Variants in PPM1E observed in about 807,000 individuals in gnomAD.
PPM1E encodes protein phosphatase 1E.
A neutral mutation model predicts 65.9 loss-of-function variants in PPM1E; 20 were observed. The ratio of observed to expected loss-of-function variants is 0.30; its 90% confidence interval spans 0.21 to 0.44. PPM1E has a LOEUF of 0.44. Among genes scored for constraint, PPM1E ranks in the 20% least tolerant of loss-of-function variants. The pLI, the probability that PPM1E is intolerant of heterozygous loss-of-function variation, is 1.00. For missense variants in PPM1E, 713 were observed against 953.1 expected, an observed-to-expected ratio of 0.75 and a Z score of 3.32; for synonymous variants, 352 against 374.9, an observed-to-expected ratio of 0.94 and a Z score of 0.70.
chr17:58,880,487 TTC>T (rs2051182518), intron 1 of PPM1E, among the ~76,000 whole-genome samples: 2 of 152,310 alleles, frequency 1.3e-5, no homozygotes, highest in African/African-American at 4.8e-5. Flanking sequence ...GAAACAATCT[TTC>T]AGGGAAAATC....
At chr17:58,798,000 C>G (rs939045845) in intron 1 of PPM1E, among the ~76,000 whole-genome samples, 4 of 152,080 alleles carry the variant, frequency 2.6e-5, no homozygotes, top group Non-Finnish European at 5.9e-5. Flanking sequence ...GTATCTTGTA[C>G]TTTTAATCTG....
At chr17:58,866,573 C>G (rs1280622914) in intron 1 of PPM1E, among the ~76,000 whole-genome samples, 2 of 152,166 alleles carry the variant, frequency 1.3e-5, no homozygotes, top group Non-Finnish European at 2.9e-5. Context: ...TGAGTAGTCT[C>G]CTACAGTAAT....
intron 1 of PPM1E, among the ~76,000 whole-genome samples, chr17:58,906,236 T>G (rs749183254): frequency 6.6e-5 from 10 of 152,230 alleles, no homozygotes; most frequent in Non-Finnish European, 1.0e-4. Context: ...CATCCTCTCC[T>G]TTTTTCTTAG....
At chr17:58,853,398 G>A (rs1567854003) in intron 1 of PPM1E, among the ~76,000 whole-genome samples, 1 of 152,080 alleles carries the variant, frequency 6.6e-6, no homozygotes, top group Non-Finnish European at 1.5e-5. Context: ...TGACACCCTT[G>A]TCAAAAATCA....
At chr17:58,802,557 T>C (rs1179374939) in intron 1 of PPM1E, among the ~76,000 whole-genome samples, 1 of 152,186 alleles carries the variant, frequency 6.6e-6, no homozygotes, top group African/African-American at 2.4e-5. Context: ...TAGGGGTTTT[T>C]TTTCTATTTT....
intron 1 of PPM1E, among the ~76,000 whole-genome samples, chr17:58,817,562 C>G (rs777319937): frequency 5.9e-5 from 9 of 152,032 alleles, no homozygotes; most frequent in Non-Finnish European, 1.3e-4. Flanking sequence ...ATTTCTTTGA[C>G]ATACATTCAC....
At chr17:58,812,153 A>G (rs1308843917) in intron 1 of PPM1E, among the ~76,000 whole-genome samples, 1 of 151,764 alleles carries the variant, frequency 6.6e-6, no homozygotes, top group African/African-American at 2.4e-5. Context: ...AGGGATTTCT[A>G]ATTAGCCAGG....
chr17:58,756,124 C>A lies in PPM1E; in HGVS notation c.127C>A (p.Pro43Thr). Residue 43 changes from proline (P) to threonine (T), a missense_variant, in exon 1 of 7, where the codon CCC (proline) becomes ACC (threonine). This residue lies in a region of PPM1E where 212 missense variants were observed against 204.0 expected (regional missense o/e 1.04). Transcript: ENST00000308249. ...ACCCGAACCCGAACCCGAACCCGAA[C>A]CCGAGTCCGAGCCCGAGCCCGAACC... ...PEPEPEPEPE[P>T]ESEPEPEPEL... The A allele has an allele frequency of 1.2e-6, 2 of 1,608,388 alleles. No homozygotes were observed. Among genetic ancestry groups the A allele is most frequent in the Non-Finnish European group, 1.7e-6 (2 of 1,177,480 alleles).
At chr17:58,925,843 A>C (rs1396205605) in intron 1 of PPM1E, among the ~76,000 whole-genome samples, 2 of 152,072 alleles carry the variant, frequency 1.3e-5, no homozygotes, top group African/African-American at 2.4e-5. Flanking sequence ...TGGGTTTCAG[A>C]GTTTTGAGGG....
intron 1 of PPM1E, among the ~76,000 whole-genome samples, chr17:58,862,173 C>G (rs2050949631): frequency 6.6e-6 from 1 of 152,182 alleles, no homozygotes; most frequent in African/African-American, 2.4e-5. Flanking sequence ...CAAACAGAGA[C>G]AGCCAGTATT....
intron 1 of PPM1E, among the ~76,000 whole-genome samples, chr17:58,817,172 A>C (rs1211572431): frequency 6.6e-6 from 1 of 152,118 alleles, no homozygotes; most frequent in Non-Finnish European, 1.5e-5. Context: ...TTATCTGTTG[A>C]AGGACACTTG....
intron 1 of PPM1E, among the ~76,000 whole-genome samples, chr17:58,807,370 G>A (rs1305025681): frequency 6.6e-6 from 1 of 152,016 alleles, no homozygotes; most frequent in Admixed American, 6.6e-5. Context: ...AAACATCTGA[G>A]TTGAAATGAA....
intron 1 of PPM1E, among the ~76,000 whole-genome samples, chr17:58,810,006 A>G (rs949292424): frequency 2.6e-5 from 4 of 151,628 alleles, no homozygotes; most frequent in Admixed American, 2.6e-4. Context: ...CGTAATGTAC[A>G]TAATTATTAG....
intron 1 of PPM1E, among the ~76,000 whole-genome samples, chr17:58,860,710 G>C (rs2050930177): frequency 6.6e-6 from 1 of 152,208 alleles, no homozygotes; most frequent in East Asian, 1.9e-4. Context: ...TTGGGAGGCC[G>C]AGGCGGGCAG....
chr17:58,767,673 G>A (rs532980920), intron 1 of PPM1E, among the ~76,000 whole-genome samples: 1 of 151,740 alleles, frequency 6.6e-6, no homozygotes, highest in Non-Finnish European at 1.5e-5. Flanking sequence ...ATGGAGTTTC[G>A]CTCTTGTTGC....
intron 1 of PPM1E, among the ~76,000 whole-genome samples, chr17:58,808,258 A>G (rs2050333538): frequency 6.6e-6 from 1 of 152,186 alleles, no homozygotes; most frequent in South Asian, 2.1e-4. Flanking sequence ...TTCTTTCAGA[A>G]TGTTCTTCAG....
intron 1 of PPM1E, among the ~76,000 whole-genome samples, chr17:58,863,373 G>C (rs1471212606): frequency 3.9e-5 from 6 of 152,218 alleles, no homozygotes; most frequent in Admixed American, 6.5e-5. Flanking sequence ...GCAAACAAAT[G>C]CTGGAACGAG....
chr17:58,841,942 C>T (rs147267524), intron 1 of PPM1E, among the ~76,000 whole-genome samples: 78 of 152,148 alleles, frequency 5.1e-4, no homozygotes, highest in African/African-American at 1.8e-3. Flanking sequence ...CTCCTGACCT[C>T]GTGATCCGCC....
intron 2 of PPM1E, among the ~76,000 whole-genome samples, chr17:58,957,970 C>T (rs1339161234): frequency 2.6e-5 from 4 of 152,080 alleles, no homozygotes; most frequent in Admixed American, 2.0e-4. Flanking sequence ...TAGTGAGGCA[C>T]TGTTTCTACA....
Sources: gnomAD v4.1 joint callset for allele counts (sites outside exome capture counted in the v4.1 genomes callset) on GRCh38, gnomAD v4.1.1 for gene constraint, gnomAD v4.1.1 regional missense constraint, MANE v1.5 for transcripts, NCBI Gene and HGNC (gene_info 2026-07-23, HGNC 2026-07-21) for gene names.